Variants in NPLOC4 observed in about 807,000 individuals in gnomAD.
NPLOC4 encodes the protein nuclear protein localization protein 4 homolog.
Under a neutral mutation model 80.6 loss-of-function variants are expected in NPLOC4, and 18 were observed. That is an observed-to-expected ratio of 0.22 (90% confidence interval 0.15 to 0.33). The LOEUF (loss-of-function observed/expected upper bound fraction) is 0.33. Among genes scored for constraint, NPLOC4 ranks in the 10% least tolerant of loss-of-function variants. The pLI is 1.00. For synonymous variants in NPLOC4, 313 were observed against 301.5 expected (o/e 1.04, Z -0.39); for missense variants, 540 against 786.1 (o/e 0.69, Z 3.74).
chr17:81,597,208 C>T lies in NPLOC4; in HGVS notation c.993+37G>A, dbSNP rs529702722. 3 of 1,552,070 alleles carry T rather than the reference C, an allele frequency of 1.9e-6. No homozygotes were observed. The South Asian group carries it at 3.3e-5, about 17-fold the overall frequency. On this transcript the variant is annotated intron_variant, in intron 10 of 16. Coordinates refer to ENST00000331134, the MANE Select transcript of NPLOC4 (RefSeq NM_017921.4). ...CAGGCCAACACCATCTGTAACCAAGCCATAGGGCCACACGCACAGTCCTGT... is the reference window on the plus strand; with the variant it reads ...CAGGCCAACACCATCTGTAACCAAGTCATAGGGCCACACGCACAGTCCTGT...
At chr17:81,595,841 G>A (rs1206782292) in intron 11 of NPLOC4, among the ~76,000 whole-genome samples, 5 of 152,100 alleles carry the variant, frequency 3.3e-5, no homozygotes, top group Admixed American at 1.3e-4. Context: ...ACCACGCCCG[G>A]CCAAAAAAGT....
At chr17:81,619,784 C>A (rs1381798274) in intron 3 of NPLOC4, among the ~76,000 whole-genome samples, 1 of 150,580 alleles carries the variant, frequency 6.6e-6, no homozygotes, top group East Asian at 2.0e-4. Context: ...GAGGCTGAGG[C>A]AGGAGAATCG....
intron 12 of NPLOC4, among the ~76,000 whole-genome samples, chr17:81,578,525 T>C (rs1372607689): frequency 1.3e-5 from 2 of 152,130 alleles, no homozygotes; most frequent in South Asian, 2.1e-4. Flanking sequence ...TTATAAGAGG[T>C]TTAATTGACT....
At position 81,577,627 on chromosome 17, in the gene NPLOC4, G is replaced by A. The variant is rs573384366; in HGVS notation, c.1282-5539C>T. Among the ~76,000 whole-genome samples, 1 of 152,240 alleles carries A rather than the reference G, an allele frequency of 6.6e-6. No homozygotes were observed. The highest frequency in any genetic ancestry group is 2.1e-4 in the South Asian group (1 of 4,818). ...AACTATTGGCCTGTATCTCTTGCCT[G>A]AGCTTCCAGACCTGAGTCCTGGCAA... On this transcript the variant is annotated intron_variant, in intron 12 of 16. Transcript: ENST00000331134. This position sits in a 1 kb window ranked among gnomAD's most constrained non-coding sequence, Gnocchi z 4.3.
At chr17:81,616,923 G>A (rs552912535) in intron 3 of NPLOC4, among the ~76,000 whole-genome samples, 38 of 152,270 alleles carry the variant, frequency 2.5e-4, no homozygotes, top group South Asian at 1.2e-3. Flanking sequence ...ATGACCAGGC[G>A]GGATTCTAGG....
intron 12 of NPLOC4, among the ~76,000 whole-genome samples, chr17:81,582,696 C>G (rs958328034): frequency 6.6e-6 from 1 of 152,236 alleles, no homozygotes; most frequent in African/African-American, 2.4e-5. Context: ...AGCCACCACA[C>G]CTAGTCTATT....
Position 81,613,438 on chromosome 17 carries a change from A to G in NPLOC4, c.266T>C (p.Met89Thr). 3 of 1,613,944 alleles carry G rather than the reference A, an allele frequency of 1.9e-6. No homozygotes were observed. Among genetic ancestry groups the G allele is most frequent in the Non-Finnish European group, 2.5e-6 (3 of 1,179,876 alleles). ...GAAGCCCGGTGGAACTGACGTCTCC[A>G]TTTCAGATGAGGGCCCAGCAAGGCT... ...PSSLAGPSSE[M>T]ETSVPPGFKV... Residue 89 changes from methionine to threonine, a missense_variant, in exon 4 of 17, where the codon ATG (methionine) becomes ACG (threonine). Met to Thr is a moderately conservative substitution (Grantham distance 81). This residue lies in a region of NPLOC4 where 74 missense variants were observed against 75.7 expected (regional missense o/e 0.98). Transcript: ENST00000331134.
rs533652086 is a variant in NPLOC4, at chr17:81,616,811, G to A, written c.210-3317C>T. 1.6e-4 allele frequency among the ~76,000 whole-genome samples: 25 copies of A among 152,110 alleles called. No individual in the cohort carries two copies. In the South Asian group the frequency reaches 5.0e-3, roughly 30 times the overall value. On this transcript the variant is annotated intron_variant, in intron 3 of 16. Transcript: ENST00000331134. ...ATTAACAGAGAGTTAGACTGCCAAA[G>A]ACTCAGACACAGAAATTATGAGACC...
intron 8 of NPLOC4, among the ~76,000 whole-genome samples, chr17:81,601,241 G>C (rs2035050084): frequency 6.6e-6 from 1 of 152,154 alleles, no homozygotes; most frequent in East Asian, 1.9e-4. Context: ...ACAGTAACTG[G>C]GCATATCCTT....
intron 9 of NPLOC4, among the ~76,000 whole-genome samples, chr17:81,599,076 G>A (rs1302530715): frequency 2.6e-5 from 4 of 152,232 alleles, no homozygotes; most frequent in Non-Finnish European, 1.5e-5. Flanking sequence ...ATCACCTGAG[G>A]TCGAGAGTTC....
Position 81,636,906 on chromosome 17 carries a change from C to A in NPLOC4, c.15+10G>T. On this transcript the variant is annotated intron_variant, in intron 1 of 16. Coordinates refer to ENST00000331134, the MANE Select transcript of NPLOC4 (RefSeq NM_017921.4). ...CGGCGTCCCCGCTCCCGCCCGGCCG[C>A]CGCACTCACGATGCTCTCGGCCATG... 7.1e-7 allele frequency: 1 copy of A among 1,410,202 alleles called. No homozygotes were observed. 87.4% of individuals were successfully genotyped at this position (1,410,202 alleles called of 1,614,324 possible).
chr17:81,627,781 C>A, intron 2 of NPLOC4, among the ~76,000 whole-genome samples: 1 of 151,662 alleles, frequency 6.6e-6, no homozygotes, highest in East Asian at 1.9e-4. Flanking sequence ...AAAACAAAAA[C>A]AAAAATTAGC....
intron 3 of NPLOC4, among the ~76,000 whole-genome samples, chr17:81,616,178 G>A (rs566272690): frequency 4.6e-5 from 7 of 151,754 alleles, no homozygotes; most frequent in South Asian, 4.2e-4. Context: ...AAAATTAGCC[G>A]GGGGTGGTGG....
rs1478050044 is a variant in NPLOC4, at chr17:81,559,160, G to A, written c.*99C>T. 4.5e-6 allele frequency: 6 copies of A among 1,342,246 alleles called. No homozygotes were observed. In the African/African-American group the frequency reaches 5.9e-5, roughly 13 times the overall value. 83.1% of individuals were successfully genotyped at this position (1,342,246 alleles called of 1,614,324 possible). A position where few individuals can be genotyped will look rare whatever the true frequency, so the allele number is the denominator to read the frequency against. Reference sequence around the variant, plus strand: ...GCCAGCCCCTTGTTCCTCCAGGGCTGCCCACTATGGGGCAGTTACAGGGAA... The same window carrying A: ...GCCAGCCCCTTGTTCCTCCAGGGCTACCCACTATGGGGCAGTTACAGGGAA... On this transcript the variant is annotated 3_prime_UTR_variant, in exon 17 of 17. Transcript: ENST00000331134.
intron 2 of NPLOC4, among the ~76,000 whole-genome samples, chr17:81,622,933 G>C (rs1477902201): frequency 6.6e-6 from 1 of 151,708 alleles, no homozygotes; most frequent in Non-Finnish European, 1.5e-5. Flanking sequence ...GGTGGCTCAT[G>C]CCTGTAATCC....
intron 3 of NPLOC4, among the ~76,000 whole-genome samples, chr17:81,613,896 G>A (rs1426702158): frequency 5.3e-5 from 8 of 151,914 alleles, no homozygotes. Flanking sequence ...AACACTGCAT[G>A]TGCTGGTTGC....
chr17:81,623,143 G>A (rs907247144), intron 2 of NPLOC4, among the ~76,000 whole-genome samples: 20 of 151,356 alleles, frequency 1.3e-4, no homozygotes, highest in Non-Finnish European at 2.8e-4. Context: ...GCAGGGAGCC[G>A]AGATCGTGCT....
chr17:81,574,875 A>AC (rs1491547786), intron 12 of NPLOC4, among the ~76,000 whole-genome samples: 7 of 133,420 alleles, frequency 5.2e-5, no homozygotes, highest in Non-Finnish European at 1.0e-4. Context: ...ACAAACAAAC[A>AC]AACACACACA....
In NPLOC4 at chr17:81,600,310, C is replaced by G; in HGVS notation, c.921+31G>C. The G allele has an allele frequency of 2.6e-6, 4 of 1,554,810 alleles. No homozygotes were observed. The South Asian group carries it at 3.5e-5, about 13-fold the overall frequency. ...GGATGCCCAACAGAGCCTGGCCACGCCCCCTGCTTGGCTGCCGGATGCCTC... is the reference window on the plus strand; with the variant it reads ...GGATGCCCAACAGAGCCTGGCCACGGCCCCTGCTTGGCTGCCGGATGCCTC... On this transcript the variant is annotated intron_variant, in intron 9 of 16. Coordinates refer to ENST00000331134, the MANE Select transcript of NPLOC4 (RefSeq NM_017921.4).
Sources: gnomAD v4.1 joint callset for allele counts (sites outside exome capture counted in the v4.1 genomes callset) on GRCh38, gnomAD v4.1.1 for gene constraint, gnomAD v4.1.1 regional missense constraint, Gnocchi (gnomAD v3.1) non-coding constraint, MANE v1.5 for transcripts, NCBI Gene and HGNC (gene_info 2026-07-23, HGNC 2026-07-21) for gene names.